DOCK1: variants seen among roughly 807,000 people sequenced by gnomAD.
DOCK1 encodes the protein dedicator of cytokinesis protein 1.
In DOCK1, 138 loss-of-function variants were observed where a neutral mutation model predicts 262.7. The ratio of observed to expected loss-of-function variants is 0.53; its 90% CI spans 0.46 to 0.61. The LOEUF (loss-of-function observed/expected upper bound fraction) is 0.61, where lower values mean the gene tolerates loss of function less well. Among genes scored for constraint, DOCK1 ranks in the 20% least tolerant of loss-of-function variants. DOCK1 has a pLI of 0.00. For synonymous variants in DOCK1, 866 were observed against 867.4 expected, an observed-to-expected ratio of 1.00 and a Z score of 0.03; for missense variants, 1,908 against 2,370.7, an observed-to-expected ratio of 0.80 and a Z score of 4.05.
At chr10:127,017,190 T>C (rs111072422) in intron 12 of DOCK1, among the ~76,000 whole-genome samples, 7 of 149,040 alleles carry the variant, frequency 4.7e-5, no homozygotes, top group African/African-American at 7.4e-5. Context: ...ACACCACACA[T>C]ACACACGCAC....
At chr10:127,042,241 C>A (rs2044066931) in intron 19 of DOCK1, among the ~76,000 whole-genome samples, 1 of 152,162 alleles carries the variant, frequency 6.6e-6, no homozygotes, top group African/African-American at 2.4e-5. Flanking sequence ...CCCTGTGTGG[C>A]TTCTGCCCAT....
At chr10:127,245,482 C>G (rs905073015) in intron 27 of DOCK1, among the ~76,000 whole-genome samples, 6 of 152,184 alleles carry the variant, frequency 3.9e-5, no homozygotes. Context: ...CGCGTGGTTG[C>G]CTTCTCTGAT....
intron 46 of DOCK1, among the ~76,000 whole-genome samples, chr10:127,420,657 T>G (rs2068447733): frequency 6.6e-6 from 1 of 152,046 alleles, no homozygotes; most frequent in Non-Finnish European, 1.5e-5. Context: ...GCAGTTGATC[T>G]GCACCCAGTC....
intron 1 of DOCK1, among the ~76,000 whole-genome samples, chr10:126,958,981 A>G (rs1432482826): frequency 5.9e-5 from 9 of 152,344 alleles, no homozygotes; most frequent in African/African-American, 1.9e-4. Flanking sequence ...TGAGACATCA[A>G]TCAAATACAT....
chr10:127,190,679 C>T (rs561907655), intron 27 of DOCK1, among the ~76,000 whole-genome samples: 5 of 63,486 alleles, frequency 7.9e-5, no homozygotes, highest in African/African-American at 2.2e-4. Flanking sequence ...CCCCCCCCCC[C>T]CCCCGTTCCT....
At chr10:126,986,006 G>A (rs764541073) in intron 4 of DOCK1, among the ~76,000 whole-genome samples, 1 of 151,950 alleles carries the variant, frequency 6.6e-6, no homozygotes. Flanking sequence ...CACCATGCCC[G>A]GCTGATTTTT....
chr10:127,428,548 TTG>T (rs2068979827), intron 47 of DOCK1, among the ~76,000 whole-genome samples: 6 of 133,746 alleles, frequency 4.5e-5, no homozygotes, highest in Non-Finnish European at 8.2e-5. Context: ...GATTGTGGTG[TTG>T]TGTGGATTGG....
chr10:127,200,278 C>T lies in DOCK1; in HGVS notation c.2848-47730C>T, dbSNP rs893529482. Among the ~76,000 whole-genome samples, 8 of 152,234 alleles carry T rather than the reference C, an allele frequency of 5.3e-5. No individual in the cohort carries two copies. In the East Asian group the frequency reaches 1.5e-3, roughly 29 times the overall value. On this transcript the variant is annotated intron_variant, in intron 27 of 51. Coordinates refer to ENST00000623213, the MANE Select transcript of DOCK1 (RefSeq NM_001290223.2). ...CTCCATAGACAGAGTGGGACATTCCCAAAAGTAAGAGGAGGAATGCGTCCA... is the reference window on the plus strand; with the variant it reads ...CTCCATAGACAGAGTGGGACATTCCTAAAAGTAAGAGGAGGAATGCGTCCA...
At chr10:127,335,940 T>G (rs1458446926) in intron 29 of DOCK1, among the ~76,000 whole-genome samples, 1 of 151,772 alleles carries the variant, frequency 6.6e-6, no homozygotes, top group African/African-American at 2.4e-5. Flanking sequence ...ATGGTTTCGA[T>G]CTCCTGACCT....
At chr10:127,169,286 T>G (rs1466070046) in intron 27 of DOCK1, among the ~76,000 whole-genome samples, 1 of 152,204 alleles carries the variant, frequency 6.6e-6, no homozygotes, top group Non-Finnish European at 1.5e-5. Context: ...GCCGATGAAC[T>G]GTGAACCCCT....
At chr10:127,309,532 G>A (rs1010050452) in intron 29 of DOCK1, among the ~76,000 whole-genome samples, 9 of 152,258 alleles carry the variant, frequency 5.9e-5, no homozygotes, top group Admixed American at 3.3e-4. Flanking sequence ...TGTCCTGAGT[G>A]GTATAGCCTA....
chr10:127,105,962 G>A (rs1221547983), intron 23 of DOCK1, among the ~76,000 whole-genome samples: 3 of 151,842 alleles, frequency 2.0e-5, no homozygotes, highest in South Asian at 2.1e-4. Context: ...GTGGAATTTC[G>A]CCATGTTACC....
intron 1 of DOCK1, among the ~76,000 whole-genome samples, chr10:126,963,622 TCCCTTCCCTTC>T (rs1459636981): frequency 3.1e-4 from 18 of 58,204 alleles, no homozygotes; most frequent in African/African-American, 1.9e-3. Context: ...TCCCTTCCCT[TCCCTTCCCTTC>T]CCTTCCCTCC....
intron 1 of DOCK1, among the ~76,000 whole-genome samples, chr10:126,923,006 G>T (rs1419547122): frequency 6.6e-6 from 1 of 152,178 alleles, no homozygotes; most frequent in Non-Finnish European, 1.5e-5. Context: ...CTACTCGGGA[G>T]GCTGAGGCAG....
intron 27 of DOCK1, among the ~76,000 whole-genome samples, chr10:127,198,695 T>C (rs542885533): frequency 6.6e-5 from 10 of 152,040 alleles, no homozygotes; most frequent in African/African-American, 2.4e-4. Context: ...AATTGTGTAG[T>C]AGACTTACAG....
rs564390760 is a variant in DOCK1 at position 127,254,692 on chromosome 10, G to T, written c.2950-2643G>T. Among the ~76,000 whole-genome samples, 23 of 152,344 alleles carry T rather than the reference G, an allele frequency of 1.5e-4. No individual in the cohort carries two copies. The South Asian group carries it at 4.8e-3, about 32-fold the overall frequency. ...TTTCCCTAACAATCCTTCATCGGAT[G>T]GGTTGAAAATCTGTGGCTGGTCCTT... On this transcript the variant is annotated intron_variant, in intron 28 of 51. Coordinates refer to ENST00000623213, the MANE Select transcript of DOCK1 (RefSeq NM_001290223.2).
At chr10:127,183,921 C>A (rs1055436121) in intron 27 of DOCK1, among the ~76,000 whole-genome samples, 1 of 152,136 alleles carries the variant, frequency 6.6e-6, no homozygotes, top group African/African-American at 2.4e-5. Flanking sequence ...CTTCTCTGTG[C>A]ATGATAATAA....
chr10:126,985,915 G>T (rs1394815900), intron 4 of DOCK1, among the ~76,000 whole-genome samples: 2 of 152,098 alleles, frequency 1.3e-5, no homozygotes, highest in Non-Finnish European at 2.9e-5. Flanking sequence ...TACAATCTTG[G>T]CTCACTGCAA....
intron 29 of DOCK1, among the ~76,000 whole-genome samples, chr10:127,280,035 A>ATATATATATATATATAC (rs2060894873): frequency 1.7e-5 from 1 of 59,790 alleles, no homozygotes; most frequent in Non-Finnish European, 3.3e-5. Flanking sequence ...TATATATATA[A>ATATATATATATATATAC]TTTTTTTTTT....
Sources: gnomAD v4.1 joint callset for allele counts (sites outside exome capture counted in the v4.1 genomes callset) on GRCh38, gnomAD v4.1.1 for gene constraint, MANE v1.5 for transcripts, NCBI Gene and HGNC (gene_info 2026-07-23, HGNC 2026-07-21) for gene names.